VAV3: variants seen among roughly 807,000 people sequenced by gnomAD.
The protein encoded by VAV3 is guanine nucleotide exchange factor VAV3.
A neutral mutation model predicts 131.2 loss-of-function variants in VAV3; 94 were observed. That is an observed-to-expected ratio of 0.72 (90% CI 0.61 to 0.85). The LOEUF is 0.85. VAV3 is among the 40% of genes least tolerant of loss of function. The pLI is 0.00. For synonymous variants in VAV3, 349 were observed against 342.0 expected (o/e 1.02, Z -0.22); for missense variants, 939 against 1,002.7 (o/e 0.94, Z 0.86).
chr1:107,918,337 C>G (rs1012227734), intron 1 of VAV3, among the ~76,000 whole-genome samples: 1 of 152,288 alleles, frequency 6.6e-6, no homozygotes, highest in South Asian at 2.1e-4. Context: ...ATTTTACCAA[C>G]AGCAGACCTG....
At chr1:107,728,603 ATATGTATATGTATATGTATATG>A (rs1662007267) in intron 15 of VAV3, among the ~76,000 whole-genome samples, 11 of 95,438 alleles carry the variant, frequency 1.2e-4, no homozygotes, top group East Asian at 4.4e-4. Flanking sequence ...ACGTATACGT[ATATGTATATGTATATGTATATG>A]TATATGTATA....
chr1:107,661,615 A>T (rs1657022799), intron 19 of VAV3, among the ~76,000 whole-genome samples: 1 of 152,188 alleles, frequency 6.6e-6, no homozygotes, highest in African/African-American at 2.4e-5. Flanking sequence ...GTGTCCAATA[A>T]TCTCTCAATA....
chr1:107,722,840 CTTTT>C (rs374127110), intron 15 of VAV3, among the ~76,000 whole-genome samples: 1 of 129,810 alleles, frequency 7.7e-6, no homozygotes, highest in African/African-American at 2.9e-5. Flanking sequence ...ATTATCCTCT[CTTTT>C]TTTTTTTTTT....
At chr1:107,733,324 C>G (rs374078467) in intron 15 of VAV3, among the ~76,000 whole-genome samples, 2 of 152,162 alleles carry the variant, frequency 1.3e-5, no homozygotes, top group Non-Finnish European at 2.9e-5. Context: ...AACCAGAGGG[C>G]CTCTTCTCCT....
At chr1:107,726,800 AG>A (rs766463334) in intron 15 of VAV3, among the ~76,000 whole-genome samples, 30 of 152,200 alleles carry the variant, frequency 2.0e-4, no homozygotes, top group Non-Finnish European at 4.1e-4. Flanking sequence ...GATGGAATAA[AG>A]CCTGCTAATT....
intron 25 of VAV3, among the ~76,000 whole-genome samples, chr1:107,581,274 C>T (rs1476035905): frequency 1.3e-5 from 2 of 152,178 alleles, no homozygotes; most frequent in African/African-American, 2.4e-5. Flanking sequence ...GGCCACCTTG[C>T]TTAGAGAGAC....
At chr1:107,793,770 T>C (rs1360043101) in intron 2 of VAV3, among the ~76,000 whole-genome samples, 2 of 152,162 alleles carry the variant, frequency 1.3e-5, no homozygotes, top group African/African-American at 2.4e-5. Flanking sequence ...CAGGAGTATG[T>C]TAAGAACCCT....
intron 1 of VAV3, among the ~76,000 whole-genome samples, chr1:107,891,527 T>C (rs1236637688): frequency 6.6e-6 from 1 of 151,896 alleles, no homozygotes; most frequent in Non-Finnish European, 1.5e-5. Flanking sequence ...GGAGGTAACT[T>C]AGTGTAGTCA....
Position 107,641,955 on chromosome 1 carries a change from C to T in VAV3, c.1914+664G>A, listed in dbSNP as rs138036694. 3.6e-3 allele frequency among the ~76,000 whole-genome samples: 542 copies of T among 152,150 alleles called. 1 individual carries two copies. The highest frequency in any genetic ancestry group is 4.5e-3 in the Non-Finnish European group (309 of 67,996). On this transcript the variant is annotated intron_variant, in intron 20 of 26. Transcript: ENST00000370056. ...AAAAAGGTTAATAAAAAATATTTTC[C>T]GCATATCATGTAAAGTTTCTGAAGC...
chr1:107,629,125 G>A (rs1283887707), intron 20 of VAV3, among the ~76,000 whole-genome samples: 3 of 152,084 alleles, frequency 2.0e-5, no homozygotes, highest in South Asian at 2.1e-4. Context: ...TTGGATATTC[G>A]TAAATGACAA....
intron 2 of VAV3, among the ~76,000 whole-genome samples, chr1:107,855,516 G>T (rs1669427759): frequency 6.6e-6 from 1 of 152,048 alleles, no homozygotes; most frequent in Non-Finnish European, 1.5e-5. Context: ...GAGCTCAAGG[G>T]ATCAACAGGA....
At chr1:107,634,688 C>A (rs989763141) in intron 20 of VAV3, among the ~76,000 whole-genome samples, 21 of 150,556 alleles carry the variant, frequency 1.4e-4, no homozygotes, top group Non-Finnish European at 1.5e-5. Flanking sequence ...AACAGGCAAC[C>A]TACAACATGG....
intron 2 of VAV3, among the ~76,000 whole-genome samples, chr1:107,809,410 T>C (rs1026582748): frequency 2.6e-5 from 4 of 152,226 alleles, no homozygotes; most frequent in African/African-American, 7.2e-5. Context: ...ACCCATTTCT[T>C]TGTCCTTGGA....
chr1:107,658,578 C>G (rs6583036), intron 19 of VAV3, among the ~76,000 whole-genome samples: 97,468 of 151,210 alleles, frequency 0.64, 32,857 homozygotes, highest in African/African-American at 0.85. Flanking sequence ...GTGTAAAAGT[C>G]TTCCTATTTC....
chr1:107,782,268 T>C (rs1665730648), intron 2 of VAV3, among the ~76,000 whole-genome samples: 1 of 152,240 alleles, frequency 6.6e-6, no homozygotes, highest in Non-Finnish European at 1.5e-5. Flanking sequence ...CTATGATGTA[T>C]CTACAAAATC....
At chr1:107,767,291 T>C (rs1664784983) in intron 7 of VAV3, among the ~76,000 whole-genome samples, 1 of 152,204 alleles carries the variant, frequency 6.6e-6, no homozygotes, top group Non-Finnish European at 1.5e-5. Context: ...TAAATACATG[T>C]CATAGCCAGG....
intron 1 of VAV3, among the ~76,000 whole-genome samples, chr1:107,884,839 C>A (rs1670957488): frequency 6.6e-6 from 1 of 151,992 alleles, no homozygotes; most frequent in South Asian, 2.1e-4. Flanking sequence ...AGGTTCTCTA[C>A]TTAGGGCATG....
chr1:107,925,912 C>T (rs6660633), intron 1 of VAV3, among the ~76,000 whole-genome samples: 1 of 56,470 alleles, frequency 1.8e-5, no homozygotes, highest in African/African-American at 5.9e-5. Flanking sequence ...ATATATGTTA[C>T]ATATATAACA....
chr1:107,786,257 A>G (rs550192593), intron 2 of VAV3, among the ~76,000 whole-genome samples: 1 of 152,228 alleles, frequency 6.6e-6, no homozygotes, highest in Non-Finnish European at 1.5e-5. Flanking sequence ...TTTAAGAAGT[A>G]TTCTATACTT....
Sources: allele counts gnomAD v4.1 joint callset (sites outside exome capture counted in the v4.1 genomes callset), GRCh38; gene constraint gnomAD v4.1.1; transcripts MANE v1.5; gene names NCBI Gene and HGNC (gene_info 2026-07-23, HGNC 2026-07-21).